SLC35F1: variants seen among roughly 807,000 people sequenced by gnomAD.
The protein encoded by SLC35F1 is chromosome 6 open reading frame 169.
A neutral mutation model predicts 48.7 loss-of-function variants in SLC35F1; 14 were observed. The ratio of observed to expected loss-of-function variants is 0.29; its 90% CI spans 0.19 to 0.45. SLC35F1 has a LOEUF of 0.45. Ranked by LOEUF, SLC35F1 falls within the 20% of genes least tolerant of loss-of-function variation. The pLI is 1.00. For missense variants in SLC35F1, 404 were observed against 500.0 expected, an observed-to-expected ratio of 0.81 and a Z score of 1.83; for synonymous variants, 190 against 202.2, an observed-to-expected ratio of 0.94 and a Z score of 0.51.
intron 2 of SLC35F1, among the ~76,000 whole-genome samples, chr6:118,215,738 T>C (rs542187373): frequency 1.3e-5 from 2 of 152,334 alleles, no homozygotes; most frequent in African/African-American, 2.4e-5. Flanking sequence ...TTGATGACTC[T>C]GTTAGTGGAA....
chr6:118,075,173 A>G (rs920323626), intron 1 of SLC35F1, among the ~76,000 whole-genome samples: 1 of 152,172 alleles, frequency 6.6e-6, no homozygotes, highest in African/African-American at 2.4e-5. Context: ...TTCTTCTTGA[A>G]CTTGCAGTCA....
intron 2 of SLC35F1, among the ~76,000 whole-genome samples, chr6:118,219,769 A>G (rs550037677): frequency 6.6e-6 from 1 of 152,344 alleles, no homozygotes; most frequent in Admixed American, 6.5e-5. Context: ...GAACCAACCC[A>G]AATGTCCATC....
chr6:118,274,714 A>G (rs1214622206), intron 4 of SLC35F1, among the ~76,000 whole-genome samples: 2 of 152,226 alleles, frequency 1.3e-5, no homozygotes, highest in African/African-American at 4.8e-5. Context: ...TGAGTTTAAA[A>G]CAAAAAGAAT....
chr6:118,192,804 T>C (rs1774749474), intron 2 of SLC35F1, among the ~76,000 whole-genome samples: 1 of 152,202 alleles, frequency 6.6e-6, no homozygotes, highest in African/African-American at 2.4e-5. Context: ...ACCTCTCTTT[T>C]GCATGCTTCA....
chr6:118,270,479 A>G (rs148562016), intron 4 of SLC35F1, among the ~76,000 whole-genome samples: 2 of 152,338 alleles, frequency 1.3e-5, no homozygotes, highest in Non-Finnish European at 2.9e-5. Context: ...TAGAGACTAT[A>G]GAGTGGTATA....
At chr6:117,986,615 C>T (rs1015398046) in intron 1 of SLC35F1, among the ~76,000 whole-genome samples, 1 of 152,170 alleles carries the variant, frequency 6.6e-6, no homozygotes, top group African/African-American at 2.4e-5. Flanking sequence ...CATCTGAGGG[C>T]CCTTTGCCTC....
chr6:118,018,655 T>C (rs1412150728), intron 1 of SLC35F1, among the ~76,000 whole-genome samples: 1 of 152,164 alleles, frequency 6.6e-6, no homozygotes. Flanking sequence ...TACTGGAATC[T>C]TTGAATATTT....
At chr6:118,130,898 T>C (rs1043399390) in intron 1 of SLC35F1, among the ~76,000 whole-genome samples, 1 of 152,226 alleles carries the variant, frequency 6.6e-6, no homozygotes, top group Non-Finnish European at 1.5e-5. Flanking sequence ...GTAAAGATTT[T>C]ATAAATATTT....
At chr6:117,985,220 A>G (rs9489291) in intron 1 of SLC35F1, among the ~76,000 whole-genome samples, 1 of 152,206 alleles carries the variant, frequency 6.6e-6, no homozygotes, top group Non-Finnish European at 1.5e-5. Flanking sequence ...GAGCAAACTG[A>G]TGTGAGTATA....
At chr6:118,110,882 G>A (rs1244347321) in intron 1 of SLC35F1, among the ~76,000 whole-genome samples, 1 of 151,952 alleles carries the variant, frequency 6.6e-6, no homozygotes, top group African/African-American at 2.4e-5. Context: ...CTTGTGGAAG[G>A]CAAGAGGGTG....
intron 3 of SLC35F1, among the ~76,000 whole-genome samples, chr6:118,253,118 C>T (rs1449156739): frequency 2.0e-5 from 3 of 151,906 alleles, no homozygotes; most frequent in South Asian, 2.1e-4. Context: ...AAAGTCAGAA[C>T]GGTAGGTGAA....
chr6:118,068,231 GT>G (rs1280297424), intron 1 of SLC35F1, among the ~76,000 whole-genome samples: 1 of 152,126 alleles, frequency 6.6e-6, no homozygotes, highest in African/African-American at 2.4e-5. Flanking sequence ...CCAGAAACAC[GT>G]TCACAGACAC....
At chr6:118,114,600 T>A (rs1773452568) in intron 1 of SLC35F1, among the ~76,000 whole-genome samples, 1 of 151,972 alleles carries the variant, frequency 6.6e-6, no homozygotes. Flanking sequence ...ATGGTCTTGA[T>A]CTCCTGACCT....
chr6:118,076,204 T>A (rs1176679917), intron 1 of SLC35F1, among the ~76,000 whole-genome samples: 2 of 152,356 alleles, frequency 1.3e-5, no homozygotes, highest in East Asian at 3.9e-4. Context: ...CCAAATTACA[T>A]AAATTATAGT....
At position 117,985,728 on chromosome 6, in the gene SLC35F1, T is replaced by C. The variant is rs566024858; in HGVS notation, c.173+77829T>C. On this transcript the variant is annotated intron_variant, in intron 1 of 7. Coordinates refer to ENST00000360388, the MANE Select transcript of SLC35F1 (RefSeq NM_001029858.4). ...TCTTTTTGACTAGCAAGTCTTTCAA[T>C]TAGTGAAGACAGAAAACAGCTCGTC... Among the ~76,000 whole-genome samples the C allele has an allele frequency of 1.4e-3, 213 of 152,352 alleles. 1 individual carries two copies. Among genetic ancestry groups the C allele is most frequent in the African/African-American group, 5.0e-3 (206 of 41,584 alleles).
intron 2 of SLC35F1, among the ~76,000 whole-genome samples, chr6:118,200,223 C>T (rs1429361940): frequency 6.6e-6 from 1 of 151,914 alleles, no homozygotes; most frequent in South Asian, 2.1e-4. Context: ...CAGAGCTGGA[C>T]AGTAGTTACA....
At chr6:118,066,847 A>G (rs1772623216) in intron 1 of SLC35F1, among the ~76,000 whole-genome samples, 1 of 150,860 alleles carries the variant, frequency 6.6e-6, no homozygotes, top group African/African-American at 2.4e-5. Context: ...ATTTGGTAGC[A>G]TGAAACCCAA....
At chr6:118,233,381 G>A (rs529845177) in intron 2 of SLC35F1, among the ~76,000 whole-genome samples, 76 of 152,348 alleles carry the variant, frequency 5.0e-4, no homozygotes, top group Non-Finnish European at 9.6e-4. Context: ...GCAAGTCAGA[G>A]AGGCAGAAGA....
At position 118,034,059 on chromosome 6, in the gene SLC35F1, C is replaced by T. The variant is rs543141414; in HGVS notation, c.174-120386C>T. On this transcript the variant is annotated intron_variant, in intron 1 of 7. Coordinates refer to ENST00000360388, the MANE Select transcript of SLC35F1 (RefSeq NM_001029858.4). ...GTCAGAATATTTTGTGAACCCACTT[C>T]AGATAGTAGAATAGTAAAATGACTT... Among the ~76,000 whole-genome samples the T allele has an allele frequency of 4.1e-4, 62 of 152,254 alleles. 2 individuals are homozygous for T. The South Asian group carries it at 0.012, about 29-fold the overall frequency.
Sources: gnomAD v4.1 joint callset for allele counts (sites outside exome capture counted in the v4.1 genomes callset) on GRCh38, gnomAD v4.1.1 for gene constraint, MANE v1.5 for transcripts, NCBI Gene and HGNC (gene_info 2026-07-23, HGNC 2026-07-21) for gene names.